Variants in SCAMP1 observed in about 807,000 individuals in gnomAD.
The protein encoded by SCAMP1 is secretory carrier-associated membrane protein 1.
SCAMP1 carries 15 observed loss-of-function variants against 41.8 expected under a neutral mutation model. The ratio of observed to expected loss-of-function variants is 0.36; its 90% CI spans 0.24 to 0.55. The LOEUF is 0.55. Among genes scored for constraint, SCAMP1 ranks in the 20% least tolerant of loss-of-function variants. SCAMP1 has a pLI of 0.86. For missense variants in SCAMP1, 341 were observed against 412.6 expected (o/e 0.83, Z 1.50); for synonymous variants, 135 against 136.8 (o/e 0.99, Z 0.09).
intron 1 of SCAMP1, among the ~76,000 whole-genome samples, chr5:78,361,728 C>T (rs563528940): frequency 6.6e-6 from 1 of 152,320 alleles, no homozygotes; most frequent in East Asian, 1.9e-4. Flanking sequence ...GTTTCTCAAT[C>T]CCCCCGGCCA....
chr5:78,459,558 G>T, intron 8 of SCAMP1, among the ~76,000 whole-genome samples, 196 bp downstream of exon 8: 1 of 152,084 alleles, frequency 6.6e-6, no homozygotes, highest in South Asian at 2.1e-4. Context: ...TTAAACTTCA[G>T]TAAAAAGGGA....
chr5:78,399,799 C>A (rs1751754169), intron 2 of SCAMP1, among the ~76,000 whole-genome samples: 1 of 152,140 alleles, frequency 6.6e-6, no homozygotes, highest in African/African-American at 2.4e-5. Context: ...TTAAGGAAGT[C>A]CAGCTTTTCA....
chr5:78,412,766 A>G (rs1407737984), intron 2 of SCAMP1, among the ~76,000 whole-genome samples: 1 of 152,124 alleles, frequency 6.6e-6, no homozygotes, highest in African/African-American at 2.4e-5. Context: ...TGGATTTGTA[A>G]CAATTCTTTA....
intron 2 of SCAMP1, among the ~76,000 whole-genome samples, chr5:78,405,987 CTG>C (rs1439761708): frequency 6.6e-6 from 1 of 152,200 alleles, no homozygotes; most frequent in Non-Finnish European, 1.5e-5. Flanking sequence ...ACAAGGGAAT[CTG>C]TGTTAAGCAT....
At position 78,460,820 on chromosome 5, in the gene SCAMP1, C is replaced by CTTTCTTTCTTTCTTT. The variant is rs1201206613; in HGVS notation, c.852+1458_852+1459insTTTCTTTCTTTCTTT. ...TCCTTCCTTCCTCCCTTCCTTCCTT[C>CTTTCTTTCTTTCTTT]CTTTCTTGTCTTTCCTCTATCTGTC... is the stretch of plus-strand genomic sequence containing the variant. On this transcript the variant is annotated intron_variant, in intron 8 of 8. Coordinates refer to ENST00000621999, the MANE Select transcript of SCAMP1 (RefSeq NM_004866.6). Among the ~76,000 whole-genome samples, 11 of 28,234 alleles carry CTTTCTTTCTTTCTTT rather than the reference C, an allele frequency of 3.9e-4. 2 individuals carry two copies. Among genetic ancestry groups the CTTTCTTTCTTTCTTT allele is most frequent in the Admixed American group, 7.6e-4 (3 of 3,942 alleles). 18.5% of individuals were successfully genotyped at this position (28,234 alleles called of 152,430 possible).
intron 2 of SCAMP1, among the ~76,000 whole-genome samples, chr5:78,390,653 T>C (rs1429194997): frequency 1.3e-5 from 2 of 151,956 alleles, no homozygotes; most frequent in Non-Finnish European, 2.9e-5. Context: ...AGAGATTTTT[T>C]TTTCTTTTTT....
intron 6 of SCAMP1, among the ~76,000 whole-genome samples, chr5:78,445,126 T>C (rs1171575728): frequency 6.6e-6 from 1 of 152,238 alleles, no homozygotes; most frequent in African/African-American, 2.4e-5. Flanking sequence ...ATGGTAGTTG[T>C]AATTAATATC....
rs562776987 is a variant in SCAMP1, at chr5:78,465,635, G to A, written c.852+6273G>A. On this transcript the variant is annotated intron_variant, in intron 8 of 8. Coordinates refer to ENST00000621999, the MANE Select transcript of SCAMP1 (RefSeq NM_004866.6). The stretch of plus-strand genomic sequence containing the variant: ...TTCTCAGTTAATAGTTTTCCTTTCT[G>A]ATCTTGACCTTTTTATCATTTTATA... Among the ~76,000 whole-genome samples, 6 of 152,274 alleles carry A rather than the reference G, an allele frequency of 3.9e-5. No homozygotes were observed. The South Asian group carries it at 1.2e-3, about 32-fold the overall frequency.
At chr5:78,434,095 C>T (rs1752686789) in intron 6 of SCAMP1, among the ~76,000 whole-genome samples, 1 of 152,184 alleles carries the variant, frequency 6.6e-6, no homozygotes, top group African/African-American at 2.4e-5. Context: ...AAGACCTGTA[C>T]CCTGAATGAG....
intron 2 of SCAMP1, among the ~76,000 whole-genome samples, chr5:78,408,016 T>A (rs562614314): frequency 6.6e-6 from 1 of 152,304 alleles, no homozygotes; most frequent in South Asian, 2.1e-4. Context: ...TCCTCATAGA[T>A]TTAAATCATA....
chr5:78,454,617 T>C (rs1240458126), intron 7 of SCAMP1, among the ~76,000 whole-genome samples: 2 of 152,174 alleles, frequency 1.3e-5, no homozygotes, highest in Non-Finnish European at 2.9e-5. Context: ...GCGTCAATGT[T>C]CATCAAGGAT....
chr5:78,385,917 T>G (rs1751330133), intron 1 of SCAMP1, among the ~76,000 whole-genome samples: 1 of 152,076 alleles, frequency 6.6e-6, no homozygotes, highest in Non-Finnish European at 1.5e-5. Flanking sequence ...AATGTATGCT[T>G]GTATGTTCTG....
At chr5:78,451,814 C>G (rs1437080248) in intron 7 of SCAMP1, among the ~76,000 whole-genome samples, 1 of 152,116 alleles carries the variant, frequency 6.6e-6, no homozygotes, top group Non-Finnish European at 1.5e-5. Flanking sequence ...GCCACCCAGC[C>G]CAGCTAATTT....
chr5:78,406,185 T>C (rs1244001932), intron 2 of SCAMP1, among the ~76,000 whole-genome samples: 3 of 152,170 alleles, frequency 2.0e-5, no homozygotes, highest in Non-Finnish European at 4.4e-5. Context: ...ATGGGGAGTT[T>C]GTTAAAAATG....
chr5:78,459,489 G>T (rs1580714025), intron 8 of SCAMP1, 127 bp downstream of exon 8: 1 of 571,796 alleles, frequency 1.7e-6, no homozygotes, highest in Admixed American at 3.8e-5. Context: ...GCTCTCTGAG[G>T]ATTACTTTTT....
rs1426246776 is a variant in SCAMP1, at chr5:78,477,095, T to C, written c.*1427T>C. ...TGTGATATTAGAGGCTGGAAATCCT[T>C]ATTTTTTAAAAAATCAGATAGGCAT... On this transcript the variant is annotated 3_prime_UTR_variant, in exon 9 of 9. Coordinates refer to ENST00000621999, the MANE Select transcript of SCAMP1 (RefSeq NM_004866.6). The C allele has an allele frequency of 6.6e-6, 1 of 152,162 alleles. No individual in the cohort carries two copies. The allele number at this position is 152,162 out of a possible 1,614,324, so 9.4% of individuals were successfully genotyped here.
In SCAMP1 at chr5:78,424,083, ATCCGCCCACCTTGGCC is replaced by A. The variant is rs1167254767; in HGVS notation, c.632+2126_632+2141del. Among the ~76,000 whole-genome samples, 318 of 152,210 alleles carry A rather than the reference ATCCGCCCACCTTGGCC, an allele frequency of 2.1e-3. 4 individuals carry two copies. Among genetic ancestry groups the A allele is most frequent in the African/African-American group, 6.3e-3 (263 of 41,530 alleles). Reference sequence around the variant, plus strand: ...GGTCTCGAACTGCTGACCTCAGGTGATCCGCCCACCTTGGCCTCTGCCCACCTCGGCCTCTGCCCAC... The same window carrying A: ...GGTCTCGAACTGCTGACCTCAGGTGATCTGCCCACCTCGGCCTCTGCCCAC... On this transcript the variant is annotated intron_variant, in intron 6 of 8. Coordinates refer to ENST00000621999, the MANE Select transcript of SCAMP1 (RefSeq NM_004866.6).
In SCAMP1 at chr5:78,421,828, T is replaced by C. The variant is rs754416506; in HGVS notation, c.500T>C (p.Ile167Thr). 1.2e-6 allele frequency: 2 copies of C among 1,613,930 alleles called. No individual in the cohort carries two copies. The highest frequency in any genetic ancestry group is 1.1e-5 in the South Asian group (1 of 91,080). Residue 167 changes from isoleucine to threonine, a missense_variant, in exon 6 of 9, where the codon ATC (isoleucine) becomes ACC (threonine). Coordinates refer to ENST00000621999, the MANE Select transcript of SCAMP1 (RefSeq NM_004866.6). ...CATGCAGTAACACTGTTTCTAAATATCTTCGGATGCTTGGCTTGGTTTTGT... is the reference window on the plus strand; with the variant it reads ...CATGCAGTAACACTGTTTCTAAATACCTTCGGATGCTTGGCTTGGTTTTGT... ...MFHAVTLFLN[I>T]FGCLAWFCVD...
rs1368833741 is a variant in SCAMP1 at position 78,480,667 on chromosome 5, A to G, written c.*4999A>G. On this transcript the variant is annotated 3_prime_UTR_variant, in exon 9 of 9. Coordinates refer to ENST00000621999, the MANE Select transcript of SCAMP1 (RefSeq NM_004866.6). ...TTTTTCTAGTATAAAAGCAATACAT[A>G]ATGTGTTGTAGAACAATTAAAAATT... Among the ~76,000 whole-genome samples, 1 of 152,186 alleles carries G rather than the reference A, an allele frequency of 6.6e-6. No individual in the cohort carries two copies. Among genetic ancestry groups the G allele is most frequent in the African/African-American group, 2.4e-5 (1 of 41,442 alleles).
Sources: allele counts gnomAD v4.1 joint callset (sites outside exome capture counted in the v4.1 genomes callset), GRCh38; gene constraint gnomAD v4.1.1; transcripts MANE v1.5; gene names NCBI Gene and HGNC (gene_info 2026-07-23, HGNC 2026-07-21).